The following PTPRK variants were observed in gnomAD, a reference collection of about 807,000 sequenced individuals.
PTPRK encodes protein tyrosine phosphatase receptor type K.
A neutral mutation model predicts 178.0 loss-of-function variants in PTPRK; 75 were observed. The observed-to-expected ratio is 0.42, with a 90% confidence interval of 0.35 to 0.51. The LOEUF (loss-of-function observed/expected upper bound fraction) is 0.51, where lower values mean the gene tolerates loss of function less well. Among genes scored for constraint, PTPRK ranks in the 20% least tolerant of loss-of-function variants. The pLI, the probability that PTPRK is intolerant of heterozygous loss-of-function variation, is 0.02. For synonymous variants in PTPRK, 637 were observed against 620.6 expected, an observed-to-expected ratio of 1.03 and a Z score of -0.39; for missense variants, 1,441 against 1,797.8, an observed-to-expected ratio of 0.80 and a Z score of 3.59.
At chr6:128,479,160 T>C (rs1851738897) in intron 1 of PTPRK, among the ~76,000 whole-genome samples, 1 of 152,110 alleles carries the variant, frequency 6.6e-6, no homozygotes, top group Non-Finnish European at 1.5e-5. Context: ...ACAAAGTTTA[T>C]GGTGTGTTCA....
intron 3 of PTPRK, among the ~76,000 whole-genome samples, chr6:128,289,964 C>T (rs964164679): frequency 1.3e-5 from 2 of 152,006 alleles, no homozygotes; most frequent in African/African-American, 4.8e-5. Flanking sequence ...AACTTCAGGA[C>T]AGTATTATTA....
At chr6:128,169,138 C>T (rs1799838191) in intron 7 of PTPRK, among the ~76,000 whole-genome samples, 2 of 151,966 alleles carry the variant, frequency 1.3e-5, no homozygotes, top group Non-Finnish European at 1.5e-5. Context: ...CAAAAATGTA[C>T]AGCATGAAGA....
At chr6:128,102,059 T>C (rs1157831842) in intron 7 of PTPRK, among the ~76,000 whole-genome samples, 3 of 152,218 alleles carry the variant, frequency 2.0e-5, no homozygotes, top group Non-Finnish European at 4.4e-5. Context: ...ATGCCCTCTC[T>C]AGAGATAAAT....
rs117562645 is a variant in PTPRK at position 128,039,682 on chromosome 6, T to G, written c.2194+25076A>C. Among the ~76,000 whole-genome samples the G allele has an allele frequency of 8.8e-3, 1,335 of 152,290 alleles. 46 individuals carry two copies. Among genetic ancestry groups the G allele is most frequent in the East Asian group, 0.052 (270 of 5,182 alleles). On this transcript the variant is annotated intron_variant, in intron 13 of 29. Coordinates refer to ENST00000368226, the MANE Select transcript of PTPRK (RefSeq NM_002844.4). ...TCCAAAGAACGTGTCTTAGCAGAGC[T>G]GGGGAACTGTCATGAGAAGGGTCAC... is the stretch of plus-strand genomic sequence containing the variant.
At chr6:127,985,932 C>T in intron 21 of PTPRK, 57 bp from the exon 22 acceptor site, 1 of 1,550,132 alleles carries the variant, frequency 6.5e-7, no homozygotes, top group Non-Finnish European at 8.8e-7. Flanking sequence ...CAAAATAAAG[C>T]CATTAAACAC....
chr6:128,184,832 CA>C, intron 6 of PTPRK, 107 bp from the exon 7 acceptor site: 3 of 1,091,434 alleles, frequency 2.7e-6, no homozygotes, highest in Non-Finnish European at 3.8e-6. Flanking sequence ...ATTAGAAATG[CA>C]TAATAAATAC....
chr6:128,127,557 T>C (rs1374270953), intron 7 of PTPRK, among the ~76,000 whole-genome samples: 2 of 152,258 alleles, frequency 1.3e-5, no homozygotes. Context: ...CAATGTCTTG[T>C]CCTGCTTATG....
At chr6:128,257,726 A>G (rs1817563809) in intron 3 of PTPRK, among the ~76,000 whole-genome samples, 1 of 152,196 alleles carries the variant, frequency 6.6e-6, no homozygotes, top group Non-Finnish European at 1.5e-5. Flanking sequence ...ACTTAAAATA[A>G]TGTCATAAAC....
chr6:128,008,470 T>C (rs932693199), intron 14 of PTPRK, among the ~76,000 whole-genome samples: 1 of 151,038 alleles, frequency 6.6e-6, no homozygotes, highest in Non-Finnish European at 1.5e-5. Flanking sequence ...GCTCATATTA[T>C]AAAAACTGTG....
intron 2 of PTPRK, among the ~76,000 whole-genome samples, chr6:128,375,764 C>T (rs1285080025): frequency 6.6e-6 from 1 of 152,174 alleles, no homozygotes; most frequent in Non-Finnish European, 1.5e-5. Context: ...TAGTTACTTT[C>T]CAGATACAAT....
rs756843098 is a variant in PTPRK at position 127,995,511 on chromosome 6, G to A, written c.2795C>T (p.Pro932Leu). 4 of 1,597,404 alleles carry A rather than the reference G, an allele frequency of 2.5e-6. No homozygotes were observed. In the African/African-American group the frequency reaches 5.4e-5, roughly 22 times the overall value. ...AYDHSRVILQ[P>L]VEDDPSSDYI... ...ATCTGAGGAAGGATCATCCTCTACGGGTTGCAAAATCACTCTGGAGTGATC... is the reference window on the plus strand; with the variant it reads ...ATCTGAGGAAGGATCATCCTCTACGAGTTGCAAAATCACTCTGGAGTGATC... The change falls in exon 18 of 30, where the codon CCC becomes CTC. Residue 932 changes from proline (P) to leucine (L), a missense_variant. Physicochemically the swap from Pro to Leu is moderately conservative, Grantham distance 98. Coordinates refer to ENST00000368226, the MANE Select transcript of PTPRK (RefSeq NM_002844.4).
intron 2 of PTPRK, among the ~76,000 whole-genome samples, chr6:128,324,921 T>G: frequency 6.6e-6 from 1 of 152,184 alleles, no homozygotes; most frequent in East Asian, 1.9e-4. Flanking sequence ...AATAACTGGC[T>G]CCCAATCCTT....
rs191429812 is a variant in PTPRK at position 128,106,976 on chromosome 6, A to G, written c.1163-16984T>C. 1.4e-3 allele frequency among the ~76,000 whole-genome samples: 212 copies of G among 152,244 alleles called. 1 individual carries two copies. Among genetic ancestry groups the G allele is most frequent in the Non-Finnish European group, 2.7e-3 (182 of 67,968 alleles). ...TCTGAGGGCCTAACAGAGGTACTTT[A>G]CTATAAATTCTTCAAAACTGGGTTT... On this transcript the variant is annotated intron_variant, in intron 7 of 29. Coordinates refer to ENST00000368226, the MANE Select transcript of PTPRK (RefSeq NM_002844.4).
intron 1 of PTPRK, among the ~76,000 whole-genome samples, chr6:128,479,909 C>G (rs528878263): frequency 9.2e-5 from 14 of 152,220 alleles, no homozygotes; most frequent in African/African-American, 3.4e-4. Context: ...AGAAATAGCT[C>G]AAGGCTCAAG....
Position 128,519,782 on chromosome 6 carries a change from G to T in PTPRK, c.100+477C>A, listed in dbSNP as rs1367008189. On this transcript the variant is annotated intron_variant, in intron 1 of 29. Transcript: ENST00000368226. The surrounding 1 kb of genome is among the most constrained non-coding windows in gnomAD (Gnocchi z 4.3). ...AGTAGTTAGACAATAGTCAGGGGAG[G>T]TTATTCCCGGGACAAAAAGCACCTG... Among the ~76,000 whole-genome samples the T allele has an allele frequency of 6.6e-6, 1 of 152,194 alleles. No homozygotes were observed. The highest frequency in any genetic ancestry group is 1.5e-5 in the Non-Finnish European group (1 of 68,026).
chr6:128,001,412 T>C (rs1467907941), intron 15 of PTPRK, among the ~76,000 whole-genome samples: 1 of 152,030 alleles, frequency 6.6e-6, no homozygotes, highest in Non-Finnish European at 1.5e-5. Flanking sequence ...ACAAATCATT[T>C]CTACATCTAA....
intron 7 of PTPRK, among the ~76,000 whole-genome samples, chr6:128,121,197 T>C (rs1792403701): frequency 6.6e-6 from 1 of 151,976 alleles, no homozygotes. Context: ...CCTTAAATTA[T>C]AGTGCTGAGT....
intron 7 of PTPRK, among the ~76,000 whole-genome samples, chr6:128,144,230 G>A (rs1377089412): frequency 6.6e-6 from 1 of 152,076 alleles, no homozygotes; most frequent in African/African-American, 2.4e-5. Flanking sequence ...TTGAGTGTGA[G>A]CCTAAACTTT....
At chr6:128,426,237 C>T (rs924667964) in intron 1 of PTPRK, among the ~76,000 whole-genome samples, 3 of 152,108 alleles carry the variant, frequency 2.0e-5, no homozygotes, top group Admixed American at 1.3e-4. Flanking sequence ...GCCTCCAATG[C>T]GTATTAGTAT....
Sources: allele counts gnomAD v4.1 joint callset (sites outside exome capture counted in the v4.1 genomes callset), GRCh38; gene constraint gnomAD v4.1.1; non-coding constraint Gnocchi (gnomAD v3.1); transcripts MANE v1.5; gene names NCBI Gene and HGNC (gene_info 2026-07-23, HGNC 2026-07-21).